Variants in MARCHF8 observed in about 807,000 individuals in gnomAD.
MARCHF8 encodes E3 ubiquitin-protein ligase MARCHF8.
Under a neutral mutation model 51.6 loss-of-function variants are expected in MARCHF8, and 40 were observed. That is an observed-to-expected ratio of 0.77 (90% confidence interval 0.60 to 1.01). The LOEUF (loss-of-function observed/expected upper bound fraction) is 1.01, where lower values mean the gene tolerates loss of function less well. MARCHF8 is among the 50% of genes least tolerant of loss of function. MARCHF8 has a pLI of 0.00. For missense variants in MARCHF8, 685 were observed against 708.6 expected, an observed-to-expected ratio of 0.97 and a Z score of 0.38; for synonymous variants, 263 against 280.3, an observed-to-expected ratio of 0.94 and a Z score of 0.62.
intron 2 of MARCHF8, among the ~76,000 whole-genome samples, chr10:45,512,136 C>A (rs2043526533): frequency 6.6e-6 from 1 of 151,416 alleles, no homozygotes; most frequent in African/African-American, 2.4e-5. Context: ...AGCCGCGACC[C>A]CGTCTGGGAG....
At chr10:45,537,265 C>A (rs1187521862), upstream of MARCHF8, among the ~76,000 whole-genome samples, 1 of 152,086 alleles carries the variant, frequency 6.6e-6, no homozygotes, top group Non-Finnish European at 1.5e-5. Context: ...ACGGATAAAT[C>A]AAATAAGCTA....
intron 1 of MARCHF8, among the ~76,000 whole-genome samples, chr10:45,578,525 A>C (rs2044515083): frequency 6.6e-6 from 1 of 152,222 alleles, no homozygotes. Flanking sequence ...ATAGCTACAG[A>C]AGGAAGCATG....
chr10:45,567,329 G>A (rs1457006254), intron 1 of MARCHF8, among the ~76,000 whole-genome samples: 3 of 152,114 alleles, frequency 2.0e-5, no homozygotes, highest in Non-Finnish European at 1.5e-5. Flanking sequence ...GTACTTGTGG[G>A]TTATTGCTCA....
intron 3 of MARCHF8, among the ~76,000 whole-genome samples, chr10:45,486,891 C>T (rs113315361): frequency 0.035 from 5,241 of 148,676 alleles, 140 homozygotes; most frequent in Non-Finnish European, 0.052. Context: ...CTCACTGCAA[C>T]CTCCGCCTCC....
At chr10:45,568,632 T>A (rs950768993) in intron 1 of MARCHF8, among the ~76,000 whole-genome samples, 1 of 143,916 alleles carries the variant, frequency 6.9e-6, no homozygotes, top group Non-Finnish European at 1.5e-5. Context: ...GGCAAGAGAA[T>A]CACTTGAACC....
chr10:45,591,806 C>T (rs1414333966), intron 1 of MARCHF8, among the ~76,000 whole-genome samples: 1 of 152,152 alleles, frequency 6.6e-6, no homozygotes, highest in Non-Finnish European at 1.5e-5. Flanking sequence ...CTTTGTAGAA[C>T]TGAGAAGACA....
At chr10:45,588,822 C>T (rs1589198349) in intron 1 of MARCHF8, among the ~76,000 whole-genome samples, 1 of 151,882 alleles carries the variant, frequency 6.6e-6, no homozygotes, top group South Asian at 2.1e-4. Context: ...CACAGTGAAA[C>T]CCCGTCTCTA....
In MARCHF8 at chr10:45,554,502, T is replaced by C. The variant is rs144715203; in HGVS notation, c.-78-21213A>G. Among the ~76,000 whole-genome samples, 669 of 152,310 alleles carry C rather than the reference T, an allele frequency of 4.4e-3. 4 individuals carry two copies. The highest frequency in any genetic ancestry group is 0.015 in the African/African-American group (638 of 41,564). On this transcript the variant is annotated intron_variant, in intron 1 of 6. Transcript: ENST00000319836. ...TTAAAGAAAGGGATAATTCCAGATC[T>C]ATGGCTGTTAATGTACAAGATGAGC... is the stretch of plus-strand genomic sequence containing the variant.
intron 2 of MARCHF8, among the ~76,000 whole-genome samples, chr10:45,509,363 A>G (rs1447064779): frequency 6.6e-6 from 1 of 152,250 alleles, no homozygotes; most frequent in Non-Finnish European, 1.5e-5. Context: ...AAAGCTATCT[A>G]TAACTCATAA....
At chr10:45,572,277 C>G (rs760193830) in intron 1 of MARCHF8, among the ~76,000 whole-genome samples, 2 of 151,806 alleles carry the variant, frequency 1.3e-5, no homozygotes, top group Admixed American at 1.3e-4. Flanking sequence ...TCCTGGGGGG[C>G]AAGCACCCCC....
intron 2 of MARCHF8, among the ~76,000 whole-genome samples, chr10:45,524,732 G>A (rs1451816048): frequency 1.3e-5 from 2 of 152,066 alleles, no homozygotes. Flanking sequence ...GTTCCTGGAA[G>A]CAAAAAGTAA....
intron 3 of MARCHF8, among the ~76,000 whole-genome samples, chr10:45,473,612 G>T (rs1036544191): frequency 6.6e-6 from 1 of 152,074 alleles, no homozygotes; most frequent in Non-Finnish European, 1.5e-5. Flanking sequence ...ATCAAGAGAG[G>T]CTCCAAAAAG....
chr10:45,497,717 T>C (rs2043198018), intron 2 of MARCHF8, among the ~76,000 whole-genome samples: 3 of 151,740 alleles, frequency 2.0e-5, no homozygotes, highest in Non-Finnish European at 2.9e-5. Flanking sequence ...AAAAAAAAAC[T>C]AGAAAATTTA....
intron 2 of MARCHF8, 37 bp downstream of exon 2, chr10:45,533,073 A>T: frequency 6.6e-7 from 1 of 1,521,214 alleles, no homozygotes; most frequent in Non-Finnish European, 8.8e-7. Flanking sequence ...AAAATTTAAT[A>T]AAAATAATGA....
chr10:45,474,546 T>C (rs970794961), intron 3 of MARCHF8, among the ~76,000 whole-genome samples: 2 of 151,730 alleles, frequency 1.3e-5, no homozygotes, highest in African/African-American at 4.9e-5. Flanking sequence ...GGTGATATAA[T>C]GAAGAACATG....
At chr10:45,477,129 A>G (rs1280914436) in intron 3 of MARCHF8, among the ~76,000 whole-genome samples, 1 of 152,190 alleles carries the variant, frequency 6.6e-6, no homozygotes, top group Non-Finnish European at 1.5e-5. Context: ...CCCCCATCGA[A>G]CCAACAGCAG....
In MARCHF8 at chr10:45,463,621, G is replaced by A; in HGVS notation, c.618C>T (p.Asn206=). 1 of 1,550,674 alleles carries A rather than the reference G, an allele frequency of 6.4e-7. No individual in the cohort carries two copies. The highest frequency in any genetic ancestry group is 8.7e-7 in the Non-Finnish European group (1 of 1,147,004). The stretch of plus-strand genomic sequence containing the variant: ...GTTTGGAATTGCCAAGAGGTTTGTG[G>A]TTCAGGGTTCTTTTTTCTTTATGAT... ...RFHHKEKRTL[N]HKPLGNSKHS... Residue 206 remains asparagine, a synonymous_variant, in exon 5 of 8, where the codon AAC becomes AAT. Transcript: ENST00000453424.
At chr10:45,560,967 CAA>C (rs887683101) in intron 1 of MARCHF8, among the ~76,000 whole-genome samples, 4 of 152,034 alleles carry the variant, frequency 2.6e-5, no homozygotes, top group Admixed American at 2.6e-4. Context: ...GGAAATAAGG[CAA>C]AGAGAGAAAG....
chr10:45,468,641 G>A (rs978233406), intron 3 of MARCHF8, among the ~76,000 whole-genome samples: 19 of 152,204 alleles, frequency 1.2e-4, no homozygotes, highest in African/African-American at 3.9e-4. Context: ...TAAGAGGCCA[G>A]AAGAGCTCAT....
Sources: gnomAD v4.1 joint callset for allele counts (sites outside exome capture counted in the v4.1 genomes callset) on GRCh38, gnomAD v4.1.1 for gene constraint, MANE v1.5 for transcripts, NCBI Gene and HGNC (gene_info 2026-07-23, HGNC 2026-07-21) for gene names.